Variants in SPOCK1 observed in about 807,000 individuals in gnomAD.
SPOCK1 encodes the protein testican-1.
SPOCK1 carries 23 observed loss-of-function variants against 55.3 expected under a neutral mutation model. The observed-to-expected ratio is 0.42, with a 90% CI of 0.30 to 0.59. The LOEUF (loss-of-function observed/expected upper bound fraction) is 0.59. SPOCK1 is among the 20% of genes least tolerant of loss of function. SPOCK1 has a pLI of 0.22. For synonymous variants in SPOCK1, 226 were observed against 221.0 expected, an observed-to-expected ratio of 1.02 and a Z score of -0.20; for missense variants, 499 against 552.5, an observed-to-expected ratio of 0.90 and a Z score of 0.97.
intron 2 of SPOCK1, among the ~76,000 whole-genome samples, chr5:137,441,380 C>A (rs899291822): frequency 2.6e-5 from 4 of 152,200 alleles, no homozygotes; most frequent in African/African-American, 9.6e-5. Flanking sequence ...CTTTCTCCAG[C>A]CTTGGTGTTC....
chr5:137,169,992 GC>G, intron 3 of SPOCK1, among the ~76,000 whole-genome samples: 1 of 152,284 alleles, frequency 6.6e-6, no homozygotes, highest in Middle Eastern at 3.4e-3. Flanking sequence ...ATATACCCAT[GC>G]AACTACAGAA....
At chr5:136,979,785 C>T (rs1001882812) in intron 9 of SPOCK1, among the ~76,000 whole-genome samples, 3 of 152,176 alleles carry the variant, frequency 2.0e-5, no homozygotes, top group Admixed American at 2.0e-4. Flanking sequence ...TTTGCAGAAT[C>T]TCTTATTCCC....
Position 137,132,007 on chromosome 5 carries a change from T to A in SPOCK1, c.347+8573A>T, listed in dbSNP as rs1232683698. ...AAAAAAAAATATATATATATATATATATATATATATATAAAAAATTAGCTG... is the reference window on the plus strand; with the variant it reads ...AAAAAAAAATATATATATATATATAAATATATATATATAAAAAATTAGCTG... On this transcript the variant is annotated intron_variant, in intron 4 of 10. Transcript: ENST00000394945. Among the ~76,000 whole-genome samples the A allele has an allele frequency of 1.5e-3, 120 of 80,466 alleles. 1 individual carries two copies. The highest frequency in any genetic ancestry group is 2.4e-3 in the Non-Finnish European group (103 of 43,460). The allele number at this position is 80,466 out of a possible 152,430, so 52.8% of individuals were successfully genotyped here.
intron 3 of SPOCK1, among the ~76,000 whole-genome samples, chr5:137,190,688 C>T (rs995516998): frequency 1.3e-5 from 2 of 152,136 alleles, no homozygotes; most frequent in African/African-American, 4.8e-5. Context: ...ATACTGTTCT[C>T]CCTCTCCTGA....
At chr5:137,275,047 T>C (rs767125178) in intron 2 of SPOCK1, among the ~76,000 whole-genome samples, 24 of 152,236 alleles carry the variant, frequency 1.6e-4, no homozygotes, top group Admixed American at 6.5e-5. Flanking sequence ...CTGAACCTGC[T>C]CTGAACAGGC....
chr5:137,169,715 T>C (rs566378826), intron 3 of SPOCK1, among the ~76,000 whole-genome samples: 3 of 152,208 alleles, frequency 2.0e-5, no homozygotes, highest in African/African-American at 7.2e-5. Flanking sequence ...GATTATCTCA[T>C]TTAGTCCTCA....
At chr5:137,450,281 T>C (rs1269770738) in intron 2 of SPOCK1, among the ~76,000 whole-genome samples, 1 of 152,206 alleles carries the variant, frequency 6.6e-6, no homozygotes. Context: ...TTGGTAATGA[T>C]AGGTGTTAAC....
At chr5:137,134,483 C>A (rs1753943410) in intron 4 of SPOCK1, among the ~76,000 whole-genome samples, 1 of 152,196 alleles carries the variant, frequency 6.6e-6, no homozygotes, top group South Asian at 2.1e-4. Context: ...ACCCAGAACA[C>A]AGTAAATGAA....
At chr5:137,203,187 GGT>G (rs1561470454) in intron 3 of SPOCK1, among the ~76,000 whole-genome samples, 2 of 151,912 alleles carry the variant, frequency 1.3e-5, no homozygotes, top group Non-Finnish European at 2.9e-5. Flanking sequence ...CTCTAAATGT[GGT>G]AACTGACACC....
intron 2 of SPOCK1, among the ~76,000 whole-genome samples, chr5:137,435,733 AAGGTTTTAGTGTTG>A (rs1407747420): frequency 1.3e-5 from 2 of 152,052 alleles, no homozygotes; most frequent in African/African-American, 4.8e-5. Flanking sequence ...TTTTCCCACT[AAGGTTTTAGTGTTG>A]TTCTTATTTC....
At chr5:137,087,552 C>T (rs1469471278) in intron 5 of SPOCK1, among the ~76,000 whole-genome samples, 1 of 152,372 alleles carries the variant, frequency 6.6e-6, no homozygotes, top group East Asian at 1.9e-4. Context: ...AGGTCTCTCA[C>T]TCTCAAAAAT....
chr5:137,043,856 T>G (rs1752049206), intron 6 of SPOCK1, among the ~76,000 whole-genome samples: 1 of 152,100 alleles, frequency 6.6e-6, no homozygotes. Context: ...AAAACGAAAT[T>G]AGGTAAAAGC....
At chr5:137,225,670 C>A (rs1172879428) in intron 3 of SPOCK1, among the ~76,000 whole-genome samples, 2 of 152,170 alleles carry the variant, frequency 1.3e-5, no homozygotes, top group Non-Finnish European at 2.9e-5. Context: ...TTTAGAATCA[C>A]CTGGAAGGCT....
At chr5:137,228,476 A>G (rs1227422366) in intron 3 of SPOCK1, among the ~76,000 whole-genome samples, 1 of 152,164 alleles carries the variant, frequency 6.6e-6, no homozygotes, top group Non-Finnish European at 1.5e-5. Context: ...CTCCATCTCT[A>G]CTAAAAATAC....
intron 2 of SPOCK1, among the ~76,000 whole-genome samples, chr5:137,348,170 C>A (rs1166645640): frequency 3.9e-5 from 6 of 152,082 alleles, no homozygotes; most frequent in Admixed American, 2.6e-4. Flanking sequence ...TAAGTAAGTT[C>A]GTATAGAATG....
At chr5:136,982,891 G>C (rs1158226254) in intron 9 of SPOCK1, among the ~76,000 whole-genome samples, 2 of 152,126 alleles carry the variant, frequency 1.3e-5, no homozygotes, top group African/African-American at 4.8e-5. Flanking sequence ...CATCACACTT[G>C]AATGATCACT....
chr5:137,041,874 T>C (rs1752005580), intron 6 of SPOCK1, among the ~76,000 whole-genome samples: 1 of 152,206 alleles, frequency 6.6e-6, no homozygotes. Context: ...AATGCTGCAG[T>C]CACTTTGCAA....
intron 2 of SPOCK1, among the ~76,000 whole-genome samples, chr5:137,472,812 A>G (rs1033362203): frequency 6.6e-6 from 1 of 152,246 alleles, no homozygotes; most frequent in African/African-American, 2.4e-5. Context: ...CAATAGAAAA[A>G]TGGGCAAAAT....
intron 3 of SPOCK1, among the ~76,000 whole-genome samples, chr5:137,184,217 G>A (rs369776166): frequency 6.6e-6 from 1 of 152,110 alleles, no homozygotes; most frequent in African/African-American, 2.4e-5. Flanking sequence ...AAGGGCATAC[G>A]GCTCTGTTTA....
Sources: allele counts gnomAD v4.1 joint callset (sites outside exome capture counted in the v4.1 genomes callset), GRCh38; gene constraint gnomAD v4.1.1; transcripts MANE v1.5; gene names NCBI Gene and HGNC (gene_info 2026-07-23, HGNC 2026-07-21).